POTEJ: variants seen among roughly 807,000 people sequenced by gnomAD.
POTEJ encodes POTE ankyrin domain family member J.
POTEJ carries 11 observed loss-of-function variants against 69.0 expected under a neutral mutation model. The observed-to-expected ratio is 0.16, with a 90% CI of 0.10 to 0.26. The LOEUF is 0.26. Among genes scored for constraint, POTEJ ranks in the 10% least tolerant of loss-of-function variants. POTEJ has a pLI of 1.00. For synonymous variants in POTEJ, 117 were observed against 381.1 expected, an observed-to-expected ratio of 0.31 and a Z score of 8.07; for missense variants, 327 against 1,045.5, an observed-to-expected ratio of 0.31 and a Z score of 9.48.
chr2:130,632,013 G>A lies in POTEJ; in HGVS notation c.1132-477G>A, dbSNP rs1685917331. Among the ~76,000 whole-genome samples, 2 of 143,838 alleles carry A rather than the reference G, an allele frequency of 1.4e-5. 1 individual carries two copies. The highest frequency in any genetic ancestry group is 1.4e-4 in the Admixed American group (2 of 14,562). The allele number at this position is 143,838 out of a possible 152,430, so 94.4% of individuals were successfully genotyped here. On this transcript the variant is annotated intron_variant, in intron 8 of 14. Transcript: ENST00000409602. Reference sequence around the variant, plus strand: ...GGCAGTGGGGGAGAAGAATATCTTAGCGCAGAAAAGGGCAAACTTCCTTTC... The same window carrying A: ...GGCAGTGGGGGAGAAGAATATCTTAACGCAGAAAAGGGCAAACTTCCTTTC...
chr2:130,644,464 A>T (rs1167659658), intron 11 of POTEJ, among the ~76,000 whole-genome samples: 1 of 152,176 alleles, frequency 6.6e-6, no homozygotes, highest in Non-Finnish European at 1.5e-5. Flanking sequence ...GCGAGACTCC[A>T]TCTGAAAAAA....
chr2:130,624,210 G>A lies in POTEJ; in HGVS notation c.1015+76G>A, dbSNP rs1269934999. 6.2e-6 allele frequency: 6 copies of A among 966,454 alleles called. No individual in the cohort carries two copies. In the Admixed American group the frequency reaches 1.8e-4, roughly 29 times the overall value. 59.9% of individuals were successfully genotyped at this position (966,454 alleles called of 1,614,324 possible). On this transcript the variant is annotated intron_variant, in intron 6 of 14. Transcript: ENST00000409602. ...GACACCAGGGACCGGTTTTGTGGAAGACAATTTTTCCATGGGCTGGGGGAA... is the reference window on the plus strand; with the variant it reads ...GACACCAGGGACCGGTTTTGTGGAAAACAATTTTTCCATGGGCTGGGGGAA...
In POTEJ at chr2:130,613,384, GTA is replaced by G. The variant is rs753097212; in HGVS notation, c.410+1467_410+1468del. On this transcript the variant is annotated intron_variant, in intron 1 of 14. Coordinates refer to ENST00000409602, the MANE Select transcript of POTEJ (RefSeq NM_001277083.2). ...TATACATATATATGTGTGTGTGTGTGTATATATATATATATATATATATATAC... is the reference window on the plus strand; with the variant it reads ...TATACATATATATGTGTGTGTGTGTGTATATATATATATATATATATATAC... Among the ~76,000 whole-genome samples, 343 of 83,508 alleles carry G rather than the reference GTA, an allele frequency of 4.1e-3. 15 individuals are homozygous for G. Among genetic ancestry groups the G allele is most frequent in the African/African-American group, 9.0e-3 (196 of 21,794 alleles). 54.8% of individuals were successfully genotyped at this position (83,508 alleles called of 152,430 possible).
intron 10 of POTEJ, among the ~76,000 whole-genome samples, chr2:130,641,882 G>A (rs1686392116): frequency 6.6e-6 from 1 of 152,228 alleles, no homozygotes; most frequent in African/African-American, 2.4e-5. Context: ...CACCGTCTGT[G>A]ACAGAAAGTC....
intron 1 of POTEJ, among the ~76,000 whole-genome samples, chr2:130,613,409 T>TATAC (rs1348912372): frequency 2.9e-4 from 41 of 143,606 alleles, no homozygotes; most frequent in African/African-American, 1.0e-3. Flanking sequence ...TATATATATA[T>TATAC]ACTTTTTTTT....
chr2:130,647,071 G>C (rs1225034690), intron 13 of POTEJ, among the ~76,000 whole-genome samples: 1 of 150,514 alleles, frequency 6.6e-6, no homozygotes, highest in African/African-American at 2.5e-5. Flanking sequence ...TTTGGAGCTA[G>C]TCTAATTGCT....
intron 13 of POTEJ, among the ~76,000 whole-genome samples, chr2:130,651,695 A>T (rs1352417858): frequency 1.0e-4 from 14 of 137,460 alleles, no homozygotes; most frequent in African/African-American, 3.1e-4. Context: ...TTGTCAGTTC[A>T]TGTATGTATA....
chr2:130,652,315 G>C, intron 13 of POTEJ, among the ~76,000 whole-genome samples: 1 of 133,302 alleles, frequency 7.5e-6, no homozygotes, highest in Non-Finnish European at 1.6e-5. Context: ...CCTAGTCTCA[G>C]GTATGTATGT....
chr2:130,614,628 T>A (rs1685363410), intron 1 of POTEJ, among the ~76,000 whole-genome samples: 1 of 140,106 alleles, frequency 7.1e-6, no homozygotes, highest in African/African-American at 3.0e-5. Context: ...TGATCAAACT[T>A]GTTTCTGGGG....
chr2:130,641,763 C>A (rs1200427900), intron 10 of POTEJ, among the ~76,000 whole-genome samples: 10 of 152,166 alleles, frequency 6.6e-5, no homozygotes, highest in African/African-American at 2.4e-4. Context: ...TTGAGTAGGT[C>A]ATTGGATAAT....
Position 130,622,655 on chromosome 2 carries a change from C to T in POTEJ, c.944+1052C>T, listed in dbSNP as rs1327978661. 2.2e-5 allele frequency among the ~76,000 whole-genome samples: 3 copies of T among 139,370 alleles called. No homozygotes were observed. In the East Asian group the frequency reaches 6.2e-4, roughly 29 times the overall value. 91.4% of individuals were successfully genotyped at this position (139,370 alleles called of 152,430 possible). A position where few individuals can be genotyped will look rare whatever the true frequency, so the allele number is the denominator to read the frequency against. On this transcript the variant is annotated intron_variant, in intron 5 of 14. Transcript: ENST00000409602. The stretch of plus-strand genomic sequence containing the variant: ...TTGGCCCCTTGAGTGATCTGATTTA[C>T]ATGATAATGAAAATTGTCCCAGCTA...
intron 10 of POTEJ, among the ~76,000 whole-genome samples, chr2:130,641,032 C>A (rs1686347681): frequency 6.6e-6 from 1 of 152,132 alleles, no homozygotes; most frequent in African/African-American, 2.4e-5. Flanking sequence ...ATATTTTAGA[C>A]TATGTGGTCT....
chr2:130,613,153 T>C (rs1367628655), intron 1 of POTEJ, among the ~76,000 whole-genome samples: 4 of 145,362 alleles, frequency 2.8e-5, no homozygotes, highest in South Asian at 2.1e-4. Flanking sequence ...AATAAGAGTA[T>C]AGATTAAAAA....
intron 10 of POTEJ, among the ~76,000 whole-genome samples, chr2:130,642,891 G>C (rs1242536469): frequency 6.6e-6 from 1 of 150,644 alleles, no homozygotes; most frequent in South Asian, 2.1e-4. Context: ...AATCTGGCTA[G>C]TCTCAATATT....
chr2:130,636,492 C>A (rs1573984442), intron 9 of POTEJ, among the ~76,000 whole-genome samples: 1 of 145,768 alleles, frequency 6.9e-6, no homozygotes, highest in Admixed American at 6.9e-5. Context: ...AAAAAAAAAA[C>A]CCTTTCTCAG....
intron 6 of POTEJ, among the ~76,000 whole-genome samples, chr2:130,629,225 C>T (rs1412817647): frequency 6.8e-6 from 1 of 146,554 alleles, no homozygotes. Context: ...CGCACCAGCT[C>T]AGCGGATTTG....
At chr2:130,646,421 C>G (rs532243806) in intron 13 of POTEJ, 111 bp downstream of exon 13, 1 of 502,650 alleles carries the variant, frequency 2.0e-6, no homozygotes, top group Non-Finnish European at 3.4e-6. Flanking sequence ...GGATATTGAG[C>G]CTTGCCTGTT....
In POTEJ at chr2:130,623,974, G is replaced by C. The variant is rs1050544503; in HGVS notation, c.945-90G>C. ...TATTAAGTTCTGATATTCTGATATT[G>C]TTTGAAATACTCTTAATAATTCTGC... On this transcript the variant is annotated intron_variant, in intron 5 of 14. Coordinates refer to ENST00000409602, the MANE Select transcript of POTEJ (RefSeq NM_001277083.2). 4 of 1,328,970 alleles carry C rather than the reference G, an allele frequency of 3.0e-6. 1 individual carries two copies. The African/African-American group carries it at 7.5e-5, about 25-fold the overall frequency. The allele number at this position is 1,328,970 out of a possible 1,614,324, so 82.3% of individuals were successfully genotyped here.
At chr2:130,625,349 C>T (rs1429012934) in intron 6 of POTEJ, among the ~76,000 whole-genome samples, 12 of 151,986 alleles carry the variant, frequency 7.9e-5, no homozygotes, top group Admixed American at 7.9e-4. Flanking sequence ...CTATAGACCA[C>T]AAACAATTAA....
Sources: allele counts gnomAD v4.1 joint callset (sites outside exome capture counted in the v4.1 genomes callset), GRCh38; gene constraint gnomAD v4.1.1; transcripts MANE v1.5; gene names NCBI Gene and HGNC (gene_info 2026-07-23, HGNC 2026-07-21).